The following DLC1 variants were observed in gnomAD, a reference collection of about 807,000 sequenced individuals.
DLC1 encodes the protein DLC1 Rho GTPase activating protein.
DLC1 carries 54 observed loss-of-function variants against 140.3 expected under a neutral mutation model. The ratio of observed to expected loss-of-function variants is 0.38; its 90% CI spans 0.31 to 0.48. The LOEUF is 0.48. Ranked by LOEUF, DLC1 falls within the 20% of genes least tolerant of loss-of-function variation. The pLI is 0.96. For synonymous variants in DLC1, 986 were observed against 728.1 expected, an observed-to-expected ratio of 1.35 and a Z score of -5.70; for missense variants, 2,536 against 1,907.0, an observed-to-expected ratio of 1.33 and a Z score of -6.14.
At position 13,300,670 on chromosome 8, in the gene DLC1, G is replaced by A. The variant is rs986381032; in HGVS notation, c.1348+4599C>T. Among the ~76,000 whole-genome samples, 7 of 152,232 alleles carry A rather than the reference G, an allele frequency of 4.6e-5. No homozygotes were observed. The South Asian group carries it at 6.2e-4, about 14-fold the overall frequency. ...TGAGGGGCAACACAGACATGTATCCGGTCCAGTGAATGATACTGCGTCTGA... is the reference window on the plus strand; with the variant it reads ...TGAGGGGCAACACAGACATGTATCCAGTCCAGTGAATGATACTGCGTCTGA... On this transcript the variant is annotated intron_variant, in intron 5 of 17. Transcript: ENST00000276297.
At chr8:13,293,262 AGCCAAATGGCAT>A (rs1235755226) in intron 5 of DLC1, among the ~76,000 whole-genome samples, 1 of 152,224 alleles carries the variant, frequency 6.6e-6, no homozygotes, top group Non-Finnish European at 1.5e-5. Context: ...ATGAATTAAT[AGCCAAATGGCAT>A]GTTCAGGATA....
intron 1 of DLC1, among the ~76,000 whole-genome samples, chr8:13,551,347 G>T (rs1182540735): frequency 6.6e-6 from 1 of 151,936 alleles, no homozygotes; most frequent in Non-Finnish European, 1.5e-5. Context: ...ATATATGTGG[G>T]TTCAGACAGT....
intron 5 of DLC1, among the ~76,000 whole-genome samples, chr8:13,227,955 A>G (rs926691142): frequency 6.6e-6 from 1 of 152,204 alleles, no homozygotes; most frequent in African/African-American, 2.4e-5. Flanking sequence ...GTGACAAGAT[A>G]GTCTACTGAA....
At chr8:13,281,511 A>G in intron 5 of DLC1, among the ~76,000 whole-genome samples, 1 of 152,310 alleles carries the variant, frequency 6.6e-6, no homozygotes, top group East Asian at 1.9e-4. Context: ...CCATTTTTGT[A>G]TAATGTACAA....
At chr8:13,375,729 A>ATTTTTTTTT (rs1043092226) in intron 4 of DLC1, among the ~76,000 whole-genome samples, 1 of 91,664 alleles carries the variant, frequency 1.1e-5, no homozygotes, top group African/African-American at 5.2e-5. Flanking sequence ...ATTTTATTTT[A>ATTTTTTTTT]TTTTTATTTT....
chr8:13,512,031 A>T (rs550854598), intron 1 of DLC1, among the ~76,000 whole-genome samples: 68 of 152,232 alleles, frequency 4.5e-4, no homozygotes, highest in African/African-American at 1.5e-3. Flanking sequence ...TTTTTAAATT[A>T]TAATGTCCTT....
At chr8:13,525,201 A>G (rs1472994854) in intron 1 of DLC1, among the ~76,000 whole-genome samples, 1 of 152,174 alleles carries the variant, frequency 6.6e-6, no homozygotes, top group Non-Finnish European at 1.5e-5. Flanking sequence ...TCATTGGAGG[A>G]ATATATCACG....
At chr8:13,370,722 C>A (rs138915300) in intron 4 of DLC1, among the ~76,000 whole-genome samples, 2 of 152,282 alleles carry the variant, frequency 1.3e-5, no homozygotes, top group Non-Finnish European at 2.9e-5. Context: ...CTTTTGGCTA[C>A]GTTCTTAGGT....
chr8:13,472,804 GT>G (rs1398443749), intron 2 of DLC1, among the ~76,000 whole-genome samples: 14 of 152,076 alleles, frequency 9.2e-5, no homozygotes, highest in African/African-American at 3.4e-4. Flanking sequence ...TTTAATGAGG[GT>G]ATTACTGCAA....
At chr8:13,534,406 C>T (rs1408059739) in intron 1 of DLC1, among the ~76,000 whole-genome samples, 1 of 152,136 alleles carries the variant, frequency 6.6e-6, no homozygotes, top group Non-Finnish European at 1.5e-5. Context: ...CAATAGAAGG[C>T]TCAGAACATT....
intron 15 of DLC1, among the ~76,000 whole-genome samples, chr8:13,089,215 C>G (rs907723915): frequency 3.3e-5 from 5 of 151,812 alleles, no homozygotes; most frequent in African/African-American, 1.2e-4. Context: ...TGAGATCACA[C>G]CACTGCACTC....
In DLC1 at chr8:13,158,733, TCCCCCC is replaced by T. The variant is rs71207127; in HGVS notation, c.1349-43082_1349-43077del. ...GAGTTAATGTTCACAACCACCACCC[TCCCCCC>T]CCCCCCCCGCCCGCCACACATCTCT... On this transcript the variant is annotated intron_variant, in intron 5 of 17. Coordinates refer to ENST00000276297, the MANE Select transcript of DLC1 (RefSeq NM_182643.3). 7.2e-3 allele frequency among the ~76,000 whole-genome samples: 428 copies of T among 59,052 alleles called. 49 individuals are homozygous for T. Among genetic ancestry groups the T allele is most frequent in the African/African-American group, 0.027 (411 of 15,052 alleles). 38.7% of individuals were successfully genotyped at this position (59,052 alleles called of 152,430 possible). A position where few individuals can be genotyped will look rare whatever the true frequency, so the allele number is the denominator to read the frequency against.
intron 5 of DLC1, among the ~76,000 whole-genome samples, chr8:13,219,933 A>T (rs1021160082): frequency 3.9e-5 from 6 of 152,152 alleles, no homozygotes; most frequent in Non-Finnish European, 8.8e-5. Flanking sequence ...AAGGCTACAT[A>T]CTGTCTTAAT....
intron 5 of DLC1, among the ~76,000 whole-genome samples, chr8:13,296,230 A>G (rs1437696957): frequency 6.6e-6 from 1 of 152,090 alleles, no homozygotes; most frequent in African/African-American, 2.4e-5. Flanking sequence ...TGCTGTAATT[A>G]CAGTCGTGAG....
chr8:13,150,852 T>C (rs1190859963), intron 5 of DLC1, among the ~76,000 whole-genome samples: 1 of 152,254 alleles, frequency 6.6e-6, no homozygotes, highest in African/African-American at 2.4e-5. Flanking sequence ...GAGAACTTTC[T>C]TCCCTGGAGA....
chr8:13,577,476 A>G (rs555333162), intron 1 of DLC1, among the ~76,000 whole-genome samples: 1 of 152,118 alleles, frequency 6.6e-6, no homozygotes, highest in African/African-American at 2.4e-5. Context: ...TTCTCTTCAG[A>G]TTTTACGTAT....
At chr8:13,296,933 G>A (rs1831979293) in intron 5 of DLC1, among the ~76,000 whole-genome samples, 1 of 151,294 alleles carries the variant, frequency 6.6e-6, no homozygotes, top group African/African-American at 2.4e-5. Flanking sequence ...ATAATTGAGA[G>A]GAAAAGAAAC....
At chr8:13,326,549 A>G (rs1326870530) in intron 4 of DLC1, among the ~76,000 whole-genome samples, 3 of 152,234 alleles carry the variant, frequency 2.0e-5, no homozygotes, top group African/African-American at 7.2e-5. Flanking sequence ...GGACACCAAC[A>G]TTGGCTCCAA....
intron 5 of DLC1, among the ~76,000 whole-genome samples, chr8:13,159,616 C>G (rs1249517240): frequency 6.6e-6 from 1 of 152,118 alleles, no homozygotes; most frequent in African/African-American, 2.4e-5. Context: ...CCCCATACCC[C>G]ATCATCTCAT....
Sources: gnomAD v4.1 joint callset for allele counts (sites outside exome capture counted in the v4.1 genomes callset) on GRCh38, gnomAD v4.1.1 for gene constraint, MANE v1.5 for transcripts, NCBI Gene and HGNC (gene_info 2026-07-23, HGNC 2026-07-21) for gene names.